The following NR1D2 variants were observed in gnomAD, a reference collection of about 807,000 sequenced individuals.
The protein encoded by NR1D2 is V-erbA-related protein 1-related.
In NR1D2, 25 loss-of-function variants were observed where a neutral mutation model predicts 52.2. That is an observed-to-expected ratio of 0.48 (90% CI 0.35 to 0.67). The LOEUF is 0.67. Ranked by LOEUF, NR1D2 falls within the 30% of genes least tolerant of loss-of-function variation. The pLI, the probability that NR1D2 is intolerant of heterozygous loss-of-function variation, is 0.01. For synonymous variants in NR1D2, 259 were observed against 230.1 expected (o/e 1.13, Z -1.14); for missense variants, 681 against 707.2 (o/e 0.96, Z 0.42).
rs980349636 is a variant in NR1D2, at chr3:23,978,499, A to G, written c.*1080A>G. ...AATTTCAACGACAAAAAAAAAAAAC[A>G]TGTATTTTAGAGTTCATCTTTGGCA... is the stretch of plus-strand genomic sequence containing the variant. On this transcript the variant is annotated 3_prime_UTR_variant, in exon 8 of 8. Coordinates refer to ENST00000312521, the MANE Select transcript of NR1D2 (RefSeq NM_005126.5). 6.6e-6 allele frequency: 1 copy of G among 151,034 alleles called. No individual in the cohort carries two copies. Among genetic ancestry groups the G allele is most frequent in the Non-Finnish European group, 1.5e-5 (1 of 67,846 alleles). The allele number at this position is 151,034 out of a possible 1,614,324, so 9.4% of individuals were successfully genotyped here.
intron 1 of NR1D2, chr3:23,946,021 G>T (rs1435243130): frequency 3.8e-6 from 3 of 798,288 alleles, no homozygotes; most frequent in Non-Finnish European, 3.0e-6. Context: ...AGGGACACGT[G>T]GGGGCGGGGG....
intron 1 of NR1D2, among the ~76,000 whole-genome samples, chr3:23,948,154 T>C (rs533840662): frequency 3.3e-5 from 5 of 152,108 alleles, no homozygotes; most frequent in Non-Finnish European, 7.4e-5. Flanking sequence ...TTCGAATTTT[T>C]GTAAACATTG....
intron 5 of NR1D2, among the ~76,000 whole-genome samples, chr3:23,964,271 G>GT (rs1243426191): frequency 6.6e-6 from 1 of 151,932 alleles, no homozygotes; most frequent in African/African-American, 2.4e-5. Flanking sequence ...TAGAGACAGG[G>GT]TTTCACCATG....
chr3:23,973,221 C>T (rs534825218), intron 7 of NR1D2, among the ~76,000 whole-genome samples: 84 of 152,236 alleles, frequency 5.5e-4, no homozygotes, highest in South Asian at 3.3e-3. Context: ...AGTCATGCGT[C>T]GCTTAATGAC....
At chr3:23,955,759 G>A (rs898067087) in intron 2 of NR1D2, among the ~76,000 whole-genome samples, 5 of 151,980 alleles carry the variant, frequency 3.3e-5, no homozygotes, top group Non-Finnish European at 5.9e-5. Context: ...AAGTGTGGAG[G>A]TTGCAATGAG....
intron 3 of NR1D2, among the ~76,000 whole-genome samples, chr3:23,957,612 A>G (rs1161957361): frequency 6.6e-6 from 1 of 151,000 alleles, no homozygotes; most frequent in Non-Finnish European, 1.5e-5. Context: ...AGTCCCAGCT[A>G]CTCGGGAGGC....
intron 5 of NR1D2, chr3:23,963,262 G>C: frequency 7.4e-7 from 1 of 1,351,700 alleles, no homozygotes; most frequent in Non-Finnish European, 9.8e-7. Flanking sequence ...ACCAAAAACA[G>C]CAGTACCACA....
rs765849666 is a variant in NR1D2 at position 23,954,675 on chromosome 3, A to G, written c.155A>G (p.Asn52Ser). 2.5e-6 allele frequency: 4 copies of G among 1,614,160 alleles called. No homozygotes were observed. The highest frequency in any genetic ancestry group is 3.4e-6 in the Non-Finnish European group (4 of 1,180,006). Residue 52 changes from asparagine to serine, a missense_variant, in exon 2 of 8, where the codon AAT (asparagine) becomes AGT (serine). Transcript: ENST00000312521. Reference protein sequence around the residue: ...SSPNSSNSDTNGNPKNGDLAN... With the variant: ...SSPNSSNSDTSGNPKNGDLAN... ...CCAAATAGCTCTAATTCTGATACCA[A>G]TGGTAATCCCAAGAATGGTGATCTC...
At chr3:23,954,071 G>A (rs534891150) in intron 1 of NR1D2, among the ~76,000 whole-genome samples, 54 of 152,276 alleles carry the variant, frequency 3.5e-4, no homozygotes, top group African/African-American at 1.3e-3. Context: ...CATGATCATG[G>A]CTCACTACAG....
At chr3:23,955,412 T>C (rs1706056043) in intron 2 of NR1D2, among the ~76,000 whole-genome samples, 2 of 152,238 alleles carry the variant, frequency 1.3e-5, no homozygotes, top group South Asian at 4.1e-4. Flanking sequence ...AAATTTCTTA[T>C]TTCCTGCTGA....
chr3:23,950,583 G>A (rs539715899), intron 1 of NR1D2, among the ~76,000 whole-genome samples: 38 of 152,294 alleles, frequency 2.5e-4, no homozygotes, highest in African/African-American at 9.1e-4. Flanking sequence ...ATAGATGGGT[G>A]TCTAGTAGCA....
At chr3:23,971,697 G>T (rs5023610) in intron 7 of NR1D2, among the ~76,000 whole-genome samples, 118,936 of 151,678 alleles carry the variant, frequency 0.78, 47,387 homozygotes, top group African/African-American at 0.9. Context: ...TATACTCACA[G>T]TTTTTGACCT....
chr3:23,953,342 C>CAAAAAAAAAA (rs55698030), intron 1 of NR1D2, among the ~76,000 whole-genome samples: 10 of 52,454 alleles, frequency 1.9e-4, no homozygotes, highest in African/African-American at 5.0e-4. Flanking sequence ...GACTCTGTCT[C>CAAAAAAAAAA]AAAAAAAAAA....
chr3:23,945,617 TG>T, intron 1 of NR1D2, 23 bp downstream of exon 1: 1 of 1,016,926 alleles, frequency 9.8e-7, no homozygotes, highest in Non-Finnish European at 1.2e-6. Context: ...CTGCGGCGGG[TG>T]GGGGATGGCC....
chr3:23,957,575 T>G (rs1308783611), intron 3 of NR1D2, among the ~76,000 whole-genome samples: 3 of 150,424 alleles, frequency 2.0e-5, no homozygotes, highest in Non-Finnish European at 4.4e-5. Flanking sequence ...AAAAAAAAAT[T>G]AGCCGGACGT....
intron 7 of NR1D2, among the ~76,000 whole-genome samples, chr3:23,969,914 G>A (rs995877856): frequency 3.3e-5 from 5 of 152,124 alleles, no homozygotes; most frequent in East Asian, 3.9e-4. Flanking sequence ...GAGAGAGTAC[G>A]AGATAGGGCC....
intron 5 of NR1D2, chr3:23,963,490 C>A: frequency 1.2e-6 from 1 of 816,936 alleles, no homozygotes; most frequent in Non-Finnish European, 1.5e-6. Flanking sequence ...TGCTCTGTTG[C>A]CCAGGCTGGA....
At chr3:23,971,190 T>C (rs560307073) in intron 7 of NR1D2, among the ~76,000 whole-genome samples, 18 of 152,260 alleles carry the variant, frequency 1.2e-4, no homozygotes, top group South Asian at 4.1e-4. Context: ...TTTTTCCTCT[T>C]TCCTCCACCC....
At chr3:23,964,560 T>G (rs892782347) in intron 5 of NR1D2, among the ~76,000 whole-genome samples, 1 of 152,334 alleles carries the variant, frequency 6.6e-6, no homozygotes, top group South Asian at 2.1e-4. Context: ...TCTCAGAGTC[T>G]CATTTCTCCA....
Sources: gnomAD v4.1 joint callset for allele counts (sites outside exome capture counted in the v4.1 genomes callset) on GRCh38, gnomAD v4.1.1 for gene constraint, MANE v1.5 for transcripts, NCBI Gene and HGNC (gene_info 2026-07-23, HGNC 2026-07-21) for gene names.